TSHZ2: variants seen among roughly 807,000 people sequenced by gnomAD.
TSHZ2 encodes the protein teashirt homolog 2.
In TSHZ2, 21 loss-of-function variants were observed where a neutral mutation model predicts 74.4. The ratio of observed to expected loss-of-function variants is 0.28; its 90% confidence interval spans 0.20 to 0.41. The LOEUF (loss-of-function observed/expected upper bound fraction) is 0.41, where lower values mean the gene tolerates loss of function less well. TSHZ2 is among the 10% of genes least tolerant of loss of function. TSHZ2 has a pLI of 1.00. For synonymous variants in TSHZ2, 540 were observed against 515.3 expected, an observed-to-expected ratio of 1.05 and a Z score of -0.65; for missense variants, 1,244 against 1,293.5, an observed-to-expected ratio of 0.96 and a Z score of 0.59.
intron 2 of TSHZ2, among the ~76,000 whole-genome samples, chr20:53,326,344 G>A (rs748141083): frequency 1.2e-4 from 19 of 152,146 alleles, no homozygotes; most frequent in Non-Finnish European, 2.5e-4. Context: ...GACAAGACAG[G>A]GACTTCTATC....
rs538670674 is a variant in TSHZ2, at chr20:53,195,307, G to C, written c.41-58192G>C. Among the ~76,000 whole-genome samples, 4 of 152,066 alleles carry C rather than the reference G, an allele frequency of 2.6e-5. No homozygotes were observed. The East Asian group carries it at 7.7e-4, about 29-fold the overall frequency. ...TACACACACACACATATATATTCTT[G>C]GGATCTATTTGTTCAGAGTCTGCAT... On this transcript the variant is annotated intron_variant, in intron 1 of 2. Coordinates refer to ENST00000371497, the MANE Select transcript of TSHZ2 (RefSeq NM_173485.6).
In TSHZ2 at chr20:53,489,192, T is replaced by A. The variant is rs1351128622; in HGVS notation, c.*2057T>A. 2 of 456,050 alleles carry A rather than the reference T, an allele frequency of 4.4e-6. No individual in the cohort carries two copies. The highest frequency in any genetic ancestry group is 8.8e-6 in the Non-Finnish European group (2 of 226,954). The allele number at this position is 456,050 out of a possible 1,614,324, so 28.3% of individuals were successfully genotyped here. A position where few individuals can be genotyped will look rare whatever the true frequency, so the allele number is the denominator to read the frequency against. On this transcript the variant is annotated 3_prime_UTR_variant, in exon 3 of 3. Transcript: ENST00000371497. ...ATAGGGAATAGCGGCTCAAATGTAG[T>A]TCTGACATGAAAAGCAAGGTGCTGA...
chr20:53,341,117 G>A (rs192481892), intron 2 of TSHZ2, among the ~76,000 whole-genome samples: 24 of 152,264 alleles, frequency 1.6e-4, no homozygotes, highest in Admixed American at 1.3e-3. Context: ...ACAGTCCCTG[G>A]CACATAGTAG....
chr20:52,982,616 T>G (rs1354503024), intron 1 of TSHZ2, among the ~76,000 whole-genome samples: 3 of 152,190 alleles, frequency 2.0e-5, no homozygotes, highest in Non-Finnish European at 4.4e-5. Flanking sequence ...TAGACAAGAA[T>G]AGAGATGCCC....
intron 1 of TSHZ2, among the ~76,000 whole-genome samples, chr20:53,019,574 T>C (rs893197283): frequency 2.6e-5 from 4 of 152,116 alleles, no homozygotes; most frequent in African/African-American, 7.2e-5. Context: ...TTGACCCCCA[T>C]AGGTGAGCTC....
intron 2 of TSHZ2, among the ~76,000 whole-genome samples, chr20:53,261,860 C>T (rs1026007481): frequency 6.6e-6 from 1 of 152,116 alleles, no homozygotes; most frequent in African/African-American, 2.4e-5. Context: ...CTTTAAAATA[C>T]ATTTGTGTAA....
chr20:53,179,822 C>T (rs578235406), intron 1 of TSHZ2, among the ~76,000 whole-genome samples: 17 of 152,270 alleles, frequency 1.1e-4, no homozygotes, highest in Non-Finnish European at 2.1e-4. Context: ...TAAATGCCAG[C>T]TTTTTTATCG....
At chr20:53,033,362 A>C (rs550086132) in intron 1 of TSHZ2, among the ~76,000 whole-genome samples, 37 of 152,158 alleles carry the variant, frequency 2.4e-4, no homozygotes, top group Non-Finnish European at 5.0e-4. Flanking sequence ...ACTGCATGCC[A>C]GTGTCAATGT....
chr20:53,205,409 C>A lies in TSHZ2; in HGVS notation c.41-48090C>A, dbSNP rs570101373. Among the ~76,000 whole-genome samples the A allele has an allele frequency of 5.9e-5, 9 of 152,292 alleles. No homozygotes were observed. In the South Asian group the frequency reaches 1.2e-3, roughly 21 times the overall value. On this transcript the variant is annotated intron_variant, in intron 1 of 2. Transcript: ENST00000371497. ...CCAAACAGGTGTACTTTACTCTGTG[C>A]AAAATGTACATATTCTTTCTGCATT...
intron 2 of TSHZ2, among the ~76,000 whole-genome samples, chr20:53,466,178 G>A (rs1398571887): frequency 1.3e-5 from 2 of 151,698 alleles, no homozygotes; most frequent in Middle Eastern, 3.4e-3. Context: ...AACCGGGGAG[G>A]CAGAGGTTGC....
chr20:53,479,309 T>C (rs1352932727), intron 2 of TSHZ2, among the ~76,000 whole-genome samples: 1 of 152,170 alleles, frequency 6.6e-6, no homozygotes, highest in Admixed American at 6.5e-5. Context: ...GGGTGGGCCC[T>C]GTATTCTGCA....
At chr20:53,022,403 C>G (rs6097192) in intron 1 of TSHZ2, among the ~76,000 whole-genome samples, 8,053 of 152,194 alleles carry the variant, frequency 0.053, 480 homozygotes, top group South Asian at 0.15. Flanking sequence ...GTGCAGTAAA[C>G]TAGCTGCTTC....
intron 2 of TSHZ2, among the ~76,000 whole-genome samples, chr20:53,285,701 A>T (rs74344783): frequency 0.081 from 12,126 of 149,132 alleles, 606 homozygotes; most frequent in Middle Eastern, 0.12. Context: ...GCAGAGCAAG[A>T]CTCCGTCTCC....
At chr20:53,373,262 T>A (rs1333260853) in intron 2 of TSHZ2, among the ~76,000 whole-genome samples, 1 of 152,206 alleles carries the variant, frequency 6.6e-6, no homozygotes, top group African/African-American at 2.4e-5. Context: ...TTATAGCACA[T>A]CAATTTAAAA....
intron 1 of TSHZ2, among the ~76,000 whole-genome samples, chr20:53,193,299 C>T (rs1159481705): frequency 6.6e-6 from 1 of 152,132 alleles, no homozygotes. Context: ...GTTTCCTACC[C>T]TCTTTGTCTT....
At chr20:53,005,504 A>G (rs565071622) in intron 1 of TSHZ2, among the ~76,000 whole-genome samples, 1 of 152,324 alleles carries the variant, frequency 6.6e-6, no homozygotes, top group African/African-American at 2.4e-5. Context: ...GTCCCCAGGC[A>G]GTAGACACAT....
intron 1 of TSHZ2, among the ~76,000 whole-genome samples, chr20:53,070,566 G>T (rs977149552): frequency 6.6e-6 from 1 of 152,144 alleles, no homozygotes; most frequent in African/African-American, 2.4e-5. Context: ...AGGCCTCTGC[G>T]AAAAGAGTAA....
intron 2 of TSHZ2, among the ~76,000 whole-genome samples, chr20:53,322,677 C>T (rs1315031691): frequency 1.3e-5 from 2 of 152,202 alleles, no homozygotes; most frequent in East Asian, 3.8e-4. Flanking sequence ...TTTCCAAGCC[C>T]AAGCTGCCAC....
At chr20:53,322,196 A>G (rs565923861) in intron 2 of TSHZ2, among the ~76,000 whole-genome samples, 1 of 152,302 alleles carries the variant, frequency 6.6e-6, no homozygotes, top group East Asian at 1.9e-4. Flanking sequence ...TAGTGTTACA[A>G]GGCAGAGGAC....
Sources: gnomAD v4.1 joint callset for allele counts (sites outside exome capture counted in the v4.1 genomes callset) on GRCh38, gnomAD v4.1.1 for gene constraint, MANE v1.5 for transcripts, NCBI Gene and HGNC (gene_info 2026-07-23, HGNC 2026-07-21) for gene names.